The following DHX38 variants were observed in gnomAD, a reference collection of about 807,000 sequenced individuals.
DHX38 encodes pre-mRNA-splicing factor ATP-dependent RNA helicase PRP16.
A neutral mutation model predicts 153.1 loss-of-function variants in DHX38; 100 were observed. That is an observed-to-expected ratio of 0.65 (90% CI 0.56 to 0.77). DHX38 has a LOEUF of 0.77. Among genes scored for constraint, DHX38 ranks in the 30% least tolerant of loss-of-function variants. The pLI, the probability that DHX38 is intolerant of heterozygous loss-of-function variation, is 0.00. For synonymous variants in DHX38, 650 were observed against 631.7 expected (o/e 1.03, Z -0.43); for missense variants, 1,440 against 1,654.0 (o/e 0.87, Z 2.24).
In DHX38 at chr16:72,108,459, G is replaced by A. The variant is rs376528242; in HGVS notation, c.3121-14G>A. 617 of 1,613,930 alleles carry A rather than the reference G, an allele frequency of 3.8e-4. 8 individuals are homozygous for A. The South Asian group carries it at 6.0e-3, about 16-fold the overall frequency. On this transcript the variant is annotated splice_polypyrimidine_tract_variant and intron_variant, in intron 22 of 26. Coordinates refer to ENST00000268482, the MANE Select transcript of DHX38 (RefSeq NM_014003.4). ...AGGAGGGCTCCCTCCTGGTGCCTCC[G>A]TCTCCTGCCCTAGGTCCGGGAGGTG...
rs760196914 is a variant in DHX38 at position 72,108,311 on chromosome 16, C to T, written c.3049C>T (p.Gln1017Ter). The T allele has an allele frequency of 1.9e-6, 3 of 1,614,030 alleles. No individual in the cohort carries two copies. The highest frequency in any genetic ancestry group is 2.5e-6 in the Non-Finnish European group (3 of 1,180,032). The stretch of plus-strand genomic sequence containing the variant: ...TTTGACCTACCTGAATGTTTACCTG[C>T]AGTGGAAGAACAATAATTACTCCAC... ...DHLTYLNVYL[Q>*]WKNNNYSTIW... Residue 1017 changes from glutamine (Q) to a stop codon, truncating the protein, a stop_gained, in exon 22 of 27, where the codon CAG becomes TAG. Coordinates refer to ENST00000268482, the MANE Select transcript of DHX38 (RefSeq NM_014003.4). LOFTEE classifies it high-confidence loss of function.
At position 72,097,710 on chromosome 16, in the gene DHX38, C is replaced by G. The variant is rs758835301; in HGVS notation, c.545C>G (p.Ser182Ter). ...ERDRSRHSSR[S>*]ERDGGSERSS... ...GATAGAAGTAGGCACAGCAGCAGAT[C>G]AGAGCGAGATGGAGGGTCAGAGCGT... The change falls in exon 4 of 27, where the codon TCA (serine) becomes TGA (stop). Residue 182 changes from serine to a stop codon, truncating the protein, a stop_gained. Coordinates refer to ENST00000268482, the MANE Select transcript of DHX38 (RefSeq NM_014003.4). LOFTEE classifies it high-confidence loss of function. 4 of 1,614,106 alleles carry G rather than the reference C, an allele frequency of 2.5e-6. No homozygotes were observed. Among genetic ancestry groups the G allele is most frequent in the Non-Finnish European group, 3.4e-6 (4 of 1,179,992 alleles).
intron 26 of DHX38, 123 bp downstream of exon 26, chr16:72,111,200 A>G: frequency 1.4e-6 from 2 of 1,380,864 alleles, no homozygotes; most frequent in East Asian, 5.2e-5. Context: ...AACTGGTGAC[A>G]GAAGTTGCTT....
chr16:72,101,681 C>T, intron 11 of DHX38, 69 bp downstream of exon 11: 1 of 1,306,676 alleles, frequency 7.7e-7, no homozygotes, highest in Non-Finnish European at 1.1e-6. Flanking sequence ...GCAGTTGCGG[C>T]AGAACCCATC....
At position 72,099,784 on chromosome 16, in the gene DHX38, A is replaced by G. The variant is rs537886181; in HGVS notation, c.1013A>G (p.Asn338Ser). 41 of 1,614,112 alleles carry G rather than the reference A, an allele frequency of 2.5e-5. No homozygotes were observed. Among genetic ancestry groups the G allele is most frequent in the South Asian group, 3.3e-5 (3 of 91,066 alleles). Residue 338 changes from asparagine to serine, a missense_variant, in exon 8 of 27, where the codon AAC (asparagine) becomes AGC (serine). By Grantham distance (46) the Asn-to-Ser change is conservative. Coordinates refer to ENST00000268482, the MANE Select transcript of DHX38 (RefSeq NM_014003.4). ...GACGAGGGCTATGACGAGTTCCACA[A>G]CCCGCTGGCCTACTCCTCCGAGGAC... Reference protein sequence around the residue: ...MMDEGYDEFHNPLAYSSEDYV... With the variant: ...MMDEGYDEFHSPLAYSSEDYV...
rs1287960272 is a variant in DHX38, at chr16:72,107,593, C to T, written c.2809+45C>T. The T allele has an allele frequency of 1.2e-6, 2 of 1,609,168 alleles. No homozygotes were observed. Among genetic ancestry groups the T allele is most frequent in the African/African-American group, 1.3e-5 (1 of 74,828 alleles). On this transcript the variant is annotated intron_variant, in intron 20 of 26. Coordinates refer to ENST00000268482, the MANE Select transcript of DHX38 (RefSeq NM_014003.4). The surrounding 1 kb of genome is among the most constrained non-coding windows in gnomAD (Gnocchi z 5.3). The stretch of plus-strand genomic sequence containing the variant: ...CTCATGGGTGCTGGCGCTTGACTTC[C>T]TTCTTTCCTCTACTGTCCCGTCAAA...
chr16:72,101,461 T>C (rs1277965125), intron 10 of DHX38, 39 bp from the exon 11 acceptor site: 1 of 1,531,332 alleles, frequency 6.5e-7, no homozygotes, highest in East Asian at 2.5e-5. Context: ...CTCGCAGTCA[T>C]GTGGCAGGAT....
rs1373899940 is a variant in DHX38 at position 72,108,553 on chromosome 16, C to T, written c.3201C>T (p.Asp1067=). 1 of 1,614,208 alleles carries T rather than the reference C, an allele frequency of 6.2e-7. No homozygotes were observed. The change falls in exon 23 of 27, where the codon GAC becomes GAT. Residue 1067 remains aspartate, a synonymous_variant. Coordinates refer to ENST00000268482, the MANE Select transcript of DHX38 (RefSeq NM_014003.4). The part of the protein sequence containing the change: ...MSLASCGTDW[D]IVRKCICAAY... The stretch of plus-strand genomic sequence containing the variant: ...TGGCCTCGTGTGGCACTGACTGGGA[C>T]ATCGTCAGGAAGTGCATCTGTGCTG...
At chr16:72,097,854 G>A (rs554249100) in intron 4 of DHX38, 73 bp downstream of exon 4, 1 of 1,374,232 alleles carries the variant, frequency 7.3e-7, no homozygotes, top group East Asian at 2.5e-5. Flanking sequence ...CTCGTCTTCA[G>A]TGAGATTGCT....
Position 72,107,500 on chromosome 16 carries a change from C to A in DHX38, c.2761C>A (p.Leu921Ile). Residue 921 changes from leucine (L) to isoleucine (I), a missense_variant, in exon 20 of 27, where the codon CTC becomes ATC. By Grantham distance (5) the Leu-to-Ile change is conservative. This residue lies in a region of DHX38 where 543 missense variants were observed against 717.9 expected (regional missense o/e 0.76). Transcript: ENST00000268482. The surrounding 1 kb of genome is among the most constrained non-coding windows in gnomAD (Gnocchi z 5.3). Reference protein sequence around the residue: ...FMDPPPEDNMLNSMYQLWILG... With the variant: ...FMDPPPEDNMINSMYQLWILG... ...GGACCCGCCCCCGGAGGACAACATG[C>A]TCAACTCTATGTATCAGCTCTGGAT... 6.2e-7 allele frequency: 1 copy of A among 1,614,190 alleles called. No homozygotes were observed. Among genetic ancestry groups the A allele is most frequent in the Non-Finnish European group, 8.5e-7 (1 of 1,180,028 alleles).
rs747088854 is a variant in DHX38 at position 72,099,244 on chromosome 16, G to A, written c.924G>A (p.Thr308=). 1.1e-5 allele frequency: 17 copies of A among 1,612,676 alleles called. No homozygotes were observed. The highest frequency in any genetic ancestry group is 9.9e-5 in the South Asian group (9 of 90,904). Residue 308 remains threonine, a synonymous_variant, in exon 7 of 27, where the codon ACG becomes ACA. Transcript: ENST00000268482. The part of the protein sequence containing the change: ...EEGEEGISFD[T]EEERQQWEDD... ...GCGAAGAAGGAATTTCATTTGACAC[G>A]GAGGAGGAGCGGCAGCAGTGGGAAG... is the stretch of plus-strand genomic sequence containing the variant.
At position 72,100,577 on chromosome 16, in the gene DHX38, C is replaced by T; in HGVS notation, c.1258C>T (p.Arg420Cys). 5 of 1,613,914 alleles carry T rather than the reference C, an allele frequency of 3.1e-6. No individual in the cohort carries two copies. Among genetic ancestry groups the T allele is most frequent in the Non-Finnish European group, 4.2e-6 (5 of 1,179,968 alleles). ...HNLVPPFLDG[R>C]IVFTKQPEPV... ...TCTGGTGCCTCCCTTTCTGGATGGG[C>T]GCATTGTCTTCACCAAGCAGGTGAG... is the stretch of plus-strand genomic sequence containing the variant. The change falls in exon 9 of 27, where the codon CGC becomes TGC. Residue 420 changes from arginine to cysteine, a missense_variant. This residue lies in a region of DHX38 where 77 missense variants were observed against 125.4 expected (regional missense o/e 0.61). Transcript: ENST00000268482.
Position 72,108,253 on chromosome 16 carries a change from C to A in DHX38, c.2991C>A (p.Ile997=), listed in dbSNP as rs750991117. 17 of 1,613,962 alleles carry A rather than the reference C, an allele frequency of 1.1e-5. No individual in the cohort carries two copies. Among genetic ancestry groups the A allele is most frequent in the Non-Finnish European group, 1.4e-5 (17 of 1,180,012 alleles). ...PKGREEESDQ[I]REKFAVPESD... is the part of the protein sequence containing the mutation. Reference sequence around the variant, plus strand: ...GTCGAGAGGAGGAGAGTGATCAAATCCGGGAGAAGTTCGCTGTTCCTGAGA... The same window carrying A: ...GTCGAGAGGAGGAGAGTGATCAAATACGGGAGAAGTTCGCTGTTCCTGAGA... The change falls in exon 22 of 27, where the codon ATC becomes ATA. Residue 997 remains isoleucine (I), a synonymous_variant. Transcript: ENST00000268482.
In DHX38 at chr16:72,103,164, G is replaced by A. The variant is rs751635490; in HGVS notation, c.1590G>A (p.Gln530=). 9 of 1,614,128 alleles carry A rather than the reference G, an allele frequency of 5.6e-6. No homozygotes were observed. The African/African-American group carries it at 8.0e-5, about 14-fold the overall frequency. The change falls in exon 12 of 27, where the codon CAG becomes CAA. Residue 530 remains glutamine, a synonymous_variant. Coordinates refer to ENST00000268482, the MANE Select transcript of DHX38 (RefSeq NM_014003.4). ...AGAAGTCCATCCTGGAGCAGAGGCA[G>A]TACCTGCCCATCTTTGCAGTGCAGC... ...AKKKSILEQR[Q]YLPIFAVQQE... is the part of the protein sequence containing the mutation.
chr16:72,107,442 C>CG lies in DHX38; in HGVS notation c.2707dup (p.Val903GlyfsTer62), dbSNP rs1567610371. 6.2e-7 allele frequency: 1 copy of CG among 1,614,134 alleles called. No homozygotes were observed. The highest frequency in any genetic ancestry group is 8.5e-7 in the Non-Finnish European group (1 of 1,180,020). On this transcript the variant is annotated frameshift_variant, in exon 20 of 27. Transcript: ENST00000268482. LOFTEE classifies it high-confidence loss of function. The surrounding 1 kb of genome is among the most constrained non-coding windows in gnomAD (Gnocchi z 5.3). ...ACGTGGTGCTGCTGCTCAAGTCCCT[C>CG]GGGGTGCAGGACCTGCTGCAGTTCC... is the stretch of plus-strand genomic sequence containing the variant.
rs762344139 is a variant in DHX38 at position 72,096,896 on chromosome 16, G to A, written c.398G>A (p.Arg133Gln). 18 of 1,613,980 alleles carry A rather than the reference G, an allele frequency of 1.1e-5. No homozygotes were observed. Among genetic ancestry groups the A allele is most frequent in the South Asian group, 7.7e-5 (7 of 91,072 alleles). Residue 133 changes from arginine (R) to glutamine (Q), a missense_variant, in exon 3 of 27, where the codon CGG (arginine) becomes CAG (glutamine). Around this residue, in one of 6 missense-constraint regions of DHX38, gnomAD observed 483 missense variants for 465.1 expected, o/e 1.04. Transcript: ENST00000268482. ...AGCGAAGAGTTTTGGGAACGCAGTC[G>A]GCAGAGAGAGCGGGAGCGGCGGGAA... ...GVSEEFWERS[R>Q]QRERERREHG...
Position 72,103,118 on chromosome 16 carries a change from C to G in DHX38, c.1544C>G (p.Ala515Gly). Residue 515 changes from alanine (A) to glycine (G), a missense_variant, in exon 12 of 27, where the codon GCC becomes GGC. Ala to Gly is a moderately conservative substitution (Grantham distance 60, BLOSUM62 0). Around this residue, in one of 6 missense-constraint regions of DHX38, gnomAD observed 241 missense variants for 229.5 expected, o/e 1.05. Transcript: ENST00000268482. ...GATCACATGAAGAGAAAGAGCGAAGCCAGCAGTGAATTTGCAAAGAAGAAG... is the reference window on the plus strand; with the variant it reads ...GATCACATGAAGAGAAAGAGCGAAGGCAGCAGTGAATTTGCAAAGAAGAAG... ...FADHMKRKSEASSEFAKKKSI... is the reference protein window; with the variant it reads ...FADHMKRKSEGSSEFAKKKSI... The G allele has an allele frequency of 1.2e-6, 2 of 1,614,206 alleles. No individual in the cohort carries two copies. Among genetic ancestry groups the G allele is most frequent in the Non-Finnish European group, 1.7e-6 (2 of 1,180,038 alleles).
chr16:72,112,350 T>C, intron 26 of DHX38, 63 bp from the exon 27 acceptor site: 1 of 1,523,418 alleles, frequency 6.6e-7, no homozygotes, highest in African/African-American at 1.4e-5. Context: ...CTCTGCATCC[T>C]CCTGCCCTCC....
chr16:72,112,484 G>T lies in DHX38; in HGVS notation c.3671G>T (p.Arg1224Leu). 1 of 1,612,142 alleles carries T rather than the reference G, an allele frequency of 6.2e-7. No individual in the cohort carries two copies. The highest frequency in any genetic ancestry group is 8.5e-7 in the Non-Finnish European group (1 of 1,180,028). ...EPMTPRRTPA[R>L]FGL ...ATGACCCCTCGCCGCACGCCAGCCC[G>T]CTTTGGTCTGTGAGCTGAGGCTGTC... Residue 1224 changes from arginine (R) to leucine (L), a missense_variant, in exon 27 of 27, where the codon CGC (arginine) becomes CTC (leucine). Coordinates refer to ENST00000268482, the MANE Select transcript of DHX38 (RefSeq NM_014003.4).
Sources: allele counts gnomAD v4.1 joint callset, GRCh38; gene constraint gnomAD v4.1.1; regional missense constraint gnomAD v4.1.1; non-coding constraint Gnocchi (gnomAD v3.1); transcripts MANE v1.5; gene names NCBI Gene and HGNC (gene_info 2026-07-23, HGNC 2026-07-21).